The following CACUL1 variants were observed in gnomAD, a reference collection of about 807,000 sequenced individuals.
CACUL1 encodes the protein CDK2-associated and cullin domain-containing protein 1.
Under a neutral mutation model 45.2 loss-of-function variants are expected in CACUL1, and 13 were observed. The observed-to-expected ratio is 0.29, with a 90% CI of 0.19 to 0.46. The LOEUF (loss-of-function observed/expected upper bound fraction) is 0.46, where lower values mean the gene tolerates loss of function less well. Among genes scored for constraint, CACUL1 ranks in the 20% least tolerant of loss-of-function variants. The probability of loss-of-function intolerance (pLI) is 1.00; values close to 1 mark genes in which losing one functional copy is unlikely to be tolerated. For synonymous variants in CACUL1, 197 were observed against 174.2 expected, an observed-to-expected ratio of 1.13 and a Z score of -1.03; for missense variants, 421 against 471.4, an observed-to-expected ratio of 0.89 and a Z score of 0.99.
Position 118,754,836 on chromosome 10 carries a change from C to A in CACUL1, c.-74G>T. ...CTCAACCCCGGGCCAGCGGGCACCG[C>A]TGCCTCCCCGAGTTACATCGCCGGC... On this transcript the variant is annotated 5_prime_UTR_variant, in exon 1 of 9. Coordinates refer to ENST00000369151, the MANE Select transcript of CACUL1 (RefSeq NM_153810.5). 1 of 1,491,834 alleles carries A rather than the reference C, an allele frequency of 6.7e-7. No individual in the cohort carries two copies. The highest frequency in any genetic ancestry group is 1.4e-5 in the South Asian group (1 of 73,460). 92.4% of individuals were successfully genotyped at this position (1,491,834 alleles called of 1,614,324 possible).
chr10:118,723,661 A>AAG (rs1392432014), intron 3 of CACUL1, among the ~76,000 whole-genome samples: 1 of 152,178 alleles, frequency 6.6e-6, no homozygotes, highest in Non-Finnish European at 1.5e-5. Flanking sequence ...TAAGTGCCAG[A>AAG]TACTGCTTAT....
chr10:118,699,372 A>T (rs1419419880), intron 5 of CACUL1, among the ~76,000 whole-genome samples: 1 of 152,242 alleles, frequency 6.6e-6, no homozygotes, highest in Non-Finnish European at 1.5e-5. Context: ...ACCGGACAAC[A>T]TGATTATGAT....
At chr10:118,690,098 G>A (rs1197106627) in intron 7 of CACUL1, among the ~76,000 whole-genome samples, 1 of 152,106 alleles carries the variant, frequency 6.6e-6, no homozygotes, top group Non-Finnish European at 1.5e-5. Flanking sequence ...TCAGGAGATC[G>A]AGACCATCCT....
intron 6 of CACUL1, chr10:118,694,932 C>G (rs1405294642): frequency 7.3e-6 from 3 of 409,046 alleles, no homozygotes; most frequent in Middle Eastern, 7.2e-4. Context: ...ACAGGTTCTG[C>G]AAAAACCACA....
At chr10:118,708,059 G>C (rs957888105) in intron 3 of CACUL1, among the ~76,000 whole-genome samples, 4 of 143,022 alleles carry the variant, frequency 2.8e-5, no homozygotes, top group African/African-American at 1.0e-4. Context: ...TCAGACAGGA[G>C]AATCACTTGA....
chr10:118,713,729 C>T (rs1331872852), intron 3 of CACUL1, among the ~76,000 whole-genome samples: 1 of 152,184 alleles, frequency 6.6e-6, no homozygotes, highest in African/African-American at 2.4e-5. Context: ...TATGCCTATA[C>T]TAGAAAATAA....
In CACUL1 at chr10:118,676,839, TAC is replaced by T. The variant is rs55641894; in HGVS notation, c.*9287_*9288del. 0.26 allele frequency: 39,198 copies of T among 149,696 alleles called. 5,649 individuals are homozygous for T. The highest frequency in any genetic ancestry group is 0.34 in the Non-Finnish European group (22,656 of 67,434). 9.3% of individuals were successfully genotyped at this position (149,696 alleles called of 1,614,324 possible). On this transcript the variant is annotated 3_prime_UTR_variant, in exon 9 of 9. Transcript: ENST00000369151. The stretch of plus-strand genomic sequence containing the variant: ...ACATTTTAAAATATATATGTCTATG[TAC>T]ACACACACACACACACACACACACA...
chr10:118,743,879 G>A (rs946740605), intron 1 of CACUL1, among the ~76,000 whole-genome samples: 3 of 152,052 alleles, frequency 2.0e-5, no homozygotes, highest in Admixed American at 2.0e-4. Context: ...GATCTCTGCA[G>A]ACAAAAGCTG....
At chr10:118,687,455 T>C (rs10787853) in intron 7 of CACUL1, among the ~76,000 whole-genome samples, 114,401 of 152,046 alleles carry the variant, frequency 0.75, 43,193 homozygotes, top group Non-Finnish European at 0.79. Flanking sequence ...TCCTCTCTTT[T>C]CCTCATTCTG....
intron 1 of CACUL1, among the ~76,000 whole-genome samples, chr10:118,734,148 A>G (rs1845721077): frequency 6.6e-6 from 1 of 152,252 alleles, no homozygotes; most frequent in Non-Finnish European, 1.5e-5. Context: ...AAGGCTGCCT[A>G]TTTAGACAAT....
intron 7 of CACUL1, among the ~76,000 whole-genome samples, chr10:118,690,026 C>T (rs759857846): frequency 2.6e-5 from 4 of 152,094 alleles, no homozygotes; most frequent in East Asian, 1.9e-4. Context: ...AATACTGGGC[C>T]GGGTGCAGTG....
intron 3 of CACUL1, among the ~76,000 whole-genome samples, chr10:118,711,665 C>T (rs2119599960): frequency 6.6e-6 from 1 of 152,338 alleles, no homozygotes; most frequent in South Asian, 2.1e-4. Flanking sequence ...TCAAAAAGTA[C>T]ATTTACAGCA....
At chr10:118,687,312 A>C (rs1363560982) in intron 7 of CACUL1, among the ~76,000 whole-genome samples, 1 of 152,150 alleles carries the variant, frequency 6.6e-6, no homozygotes, top group Non-Finnish European at 1.5e-5. Context: ...CCAACTCCTC[A>C]TCACCATGTC....
chr10:118,695,517 T>C (rs1845313940), intron 5 of CACUL1, among the ~76,000 whole-genome samples: 1 of 152,234 alleles, frequency 6.6e-6, no homozygotes, highest in Admixed American at 6.5e-5. Flanking sequence ...TCATGAATGA[T>C]ACATTATAAG....
chr10:118,715,313 G>T (rs552775072), intron 3 of CACUL1, among the ~76,000 whole-genome samples: 28 of 152,324 alleles, frequency 1.8e-4, no homozygotes, highest in African/African-American at 5.8e-4. Context: ...GAAGGGGAAA[G>T]AAAGCTTGTC....
At chr10:118,691,534 T>C in intron 6 of CACUL1, 131 bp from the exon 7 acceptor site, 1 of 780,300 alleles carries the variant, frequency 1.3e-6, no homozygotes, top group Non-Finnish European at 2.1e-6. Context: ...TGCAATCCCA[T>C]TCTGGTAAAG....
Position 118,754,811 on chromosome 10 carries a change from C to T in CACUL1, c.-49G>A, listed in dbSNP as rs1224732933. The T allele has an allele frequency of 1.3e-6, 2 of 1,511,756 alleles. No individual in the cohort carries two copies. The highest frequency in any genetic ancestry group is 2.7e-5 in the South Asian group (2 of 75,342). The allele number at this position is 1,511,756 out of a possible 1,614,324, so 93.6% of individuals were successfully genotyped here. A position where few individuals can be genotyped will look rare whatever the true frequency, so the allele number is the denominator to read the frequency against. ...CGCCTCACAGGCACCTGCCGCCTGT[C>T]TCAACCCCGGGCCAGCGGGCACCGC... On this transcript the variant is annotated 5_prime_UTR_variant, in exon 1 of 9. Coordinates refer to ENST00000369151, the MANE Select transcript of CACUL1 (RefSeq NM_153810.5).
chr10:118,716,019 G>A (rs943789943), intron 3 of CACUL1, among the ~76,000 whole-genome samples: 1 of 152,014 alleles, frequency 6.6e-6, no homozygotes, highest in Non-Finnish European at 1.5e-5. Context: ...GGCGGATCAC[G>A]AGGTCAGGAG....
rs899537633 is a variant in CACUL1 at position 118,679,580 on chromosome 10, G to A, written c.*6548C>T. 6.6e-6 allele frequency: 1 copy of A among 151,902 alleles called. No individual in the cohort carries two copies. The highest frequency in any genetic ancestry group is 1.5e-5 in the Non-Finnish European group (1 of 68,016). The allele number at this position is 151,902 out of a possible 1,614,324, so 9.4% of individuals were successfully genotyped here. Reference sequence around the variant, plus strand: ...GTCGCCCAGGCTGGAGTACAATAGTGCAATCTTGGTTCACTGAAACCTCTG... The same window carrying A: ...GTCGCCCAGGCTGGAGTACAATAGTACAATCTTGGTTCACTGAAACCTCTG... On this transcript the variant is annotated 3_prime_UTR_variant, in exon 9 of 9. Coordinates refer to ENST00000369151, the MANE Select transcript of CACUL1 (RefSeq NM_153810.5).
Sources: gnomAD v4.1 joint callset for allele counts (sites outside exome capture counted in the v4.1 genomes callset) on GRCh38, gnomAD v4.1.1 for gene constraint, MANE v1.5 for transcripts, NCBI Gene and HGNC (gene_info 2026-07-23, HGNC 2026-07-21) for gene names.